Variants in ALK observed in about 807,000 individuals in gnomAD.
The protein encoded by ALK is ALK receptor tyrosine kinase.
Under a neutral mutation model 163.1 loss-of-function variants are expected in ALK, and 74 were observed. The ratio of observed to expected loss-of-function variants is 0.45; its 90% CI spans 0.38 to 0.55. ALK has a LOEUF of 0.55. ALK is among the 20% of genes least tolerant of loss of function. ALK has a pLI of 0.00. For missense variants in ALK, 2,063 were observed against 2,105.3 expected, an observed-to-expected ratio of 0.98 and a Z score of 0.39; for synonymous variants, 960 against 843.2, an observed-to-expected ratio of 1.14 and a Z score of -2.40.
At chr2:29,247,661 T>G (rs998685458) in intron 12 of ALK, among the ~76,000 whole-genome samples, 1 of 152,170 alleles carries the variant, frequency 6.6e-6, no homozygotes, top group Non-Finnish European at 1.5e-5. Context: ...TCCAACTGTG[T>G]ACATCCTGGA....
chr2:29,568,157 C>G (rs1053557134), intron 3 of ALK, among the ~76,000 whole-genome samples: 6 of 152,234 alleles, frequency 3.9e-5, no homozygotes, highest in Non-Finnish European at 5.9e-5. Flanking sequence ...AGGGCCCCCG[C>G]CCTCTTCAGA....
intron 3 of ALK, among the ~76,000 whole-genome samples, chr2:29,575,923 G>C (rs1674513610): frequency 6.6e-6 from 1 of 152,176 alleles, no homozygotes; most frequent in Non-Finnish European, 1.5e-5. Flanking sequence ...GGCATATTCT[G>C]AACACCAGAG....
At chr2:29,715,949 T>G (rs182020949) in intron 2 of ALK, among the ~76,000 whole-genome samples, 6 of 152,242 alleles carry the variant, frequency 3.9e-5, no homozygotes, top group Non-Finnish European at 7.3e-5. Context: ...AATTATAAAC[T>G]GCCCCAGGGT....
At chr2:29,879,088 C>A (rs988715107) in intron 1 of ALK, among the ~76,000 whole-genome samples, 2 of 152,112 alleles carry the variant, frequency 1.3e-5, no homozygotes, top group Non-Finnish European at 2.9e-5. Context: ...ATCCTTTGAA[C>A]TCAGTGAACC....
intron 3 of ALK, among the ~76,000 whole-genome samples, chr2:29,627,208 A>G (rs1460057084): frequency 6.6e-6 from 1 of 152,134 alleles, no homozygotes; most frequent in Admixed American, 6.5e-5. Context: ...TCTGTTTTGT[A>G]AAAGATTTCT....
chr2:29,671,173 T>TA (rs1293950406), intron 3 of ALK, among the ~76,000 whole-genome samples: 1 of 152,120 alleles, frequency 6.6e-6, no homozygotes, highest in Non-Finnish European at 1.5e-5. Context: ...TTTTTACCTA[T>TA]AGGTTGCTGC....
chr2:29,920,373 G>A lies in ALK; in HGVS notation c.287C>T (p.Ala96Val), dbSNP rs1245586050. 6.4e-7 allele frequency: 1 copy of A among 1,558,800 alleles called. No homozygotes were observed. The highest frequency in any genetic ancestry group is 8.7e-7 in the Non-Finnish European group (1 of 1,152,546). Residue 96 changes from alanine (A) to valine (V), a missense_variant, in exon 1 of 29, where the codon GCC becomes GTC. Physicochemically the swap from Ala to Val is moderately conservative, Grantham distance 64 (BLOSUM62 0). Around this residue, in one of 5 missense-constraint regions of ALK, gnomAD observed 987 missense variants for 939.5 expected, o/e 1.05. Transcript: ENST00000389048. ...CGGCCCCAGCAACCTGAGCAGCGGG[G>A]CGCAGTCCAGAGCTAGCGAGCCGCG... ...EARGSLALDC[A>V]PLLRLLGPAP...
chr2:29,492,824 A>T (rs1295059463), intron 4 of ALK, among the ~76,000 whole-genome samples: 2 of 152,236 alleles, frequency 1.3e-5, no homozygotes, highest in African/African-American at 4.8e-5. Context: ...TCAAAAAATC[A>T]ACTTCATAGT....
rs187810271 is a variant in ALK at position 29,199,220 on chromosome 2, C to T, written c.3939-1544G>A. Among the ~76,000 whole-genome samples the T allele has an allele frequency of 3.9e-3, 596 of 152,284 alleles. 9 individuals carry two copies. Among genetic ancestry groups the T allele is most frequent in the African/African-American group, 0.014 (571 of 41,556 alleles). On this transcript the variant is annotated intron_variant, in intron 26 of 28. Transcript: ENST00000389048. ...CCACCCACCTCGGCCTCCCAAAGTG[C>T]TGGGATTACAGATGTGAAACACCGC... is the stretch of plus-strand genomic sequence containing the variant.
At chr2:29,500,108 A>G (rs1378512634) in intron 4 of ALK, among the ~76,000 whole-genome samples, 1 of 152,008 alleles carries the variant, frequency 6.6e-6, no homozygotes, top group Non-Finnish European at 1.5e-5. Flanking sequence ...CCGATCCCAG[A>G]GTTCCTTGAT....
At chr2:29,447,893 G>A (rs1335345387) in intron 4 of ALK, among the ~76,000 whole-genome samples, 1 of 152,176 alleles carries the variant, frequency 6.6e-6, no homozygotes, top group Non-Finnish European at 1.5e-5. Flanking sequence ...TAATGGGGGT[G>A]GGGTGGGGAG....
chr2:29,829,653 G>A (rs918248827), intron 1 of ALK, among the ~76,000 whole-genome samples: 5 of 152,176 alleles, frequency 3.3e-5, no homozygotes, highest in Non-Finnish European at 7.3e-5. Context: ...TTCACCTAAG[G>A]GGGGTAAAAT....
chr2:29,588,344 T>TGAA (rs1331802826), intron 3 of ALK, among the ~76,000 whole-genome samples: 1 of 152,064 alleles, frequency 6.6e-6, no homozygotes, highest in Non-Finnish European at 1.5e-5. Context: ...GATTCTTGCG[T>TGAA]CTCAGCCTCC....
At chr2:29,835,242 A>T (rs143824657) in intron 1 of ALK, among the ~76,000 whole-genome samples, 1 of 152,282 alleles carries the variant, frequency 6.6e-6, no homozygotes, top group African/African-American at 2.4e-5. Context: ...GAGAATGTAA[A>T]CGTTTTGGGG....
intron 2 of ALK, among the ~76,000 whole-genome samples, chr2:29,697,166 C>A (rs576123140): frequency 6.6e-6 from 1 of 152,132 alleles, no homozygotes; most frequent in Non-Finnish European, 1.5e-5. Context: ...CAGGCCCTGT[C>A]CTTTCTGATT....
At chr2:29,438,689 T>C (rs1282399258) in intron 4 of ALK, among the ~76,000 whole-genome samples, 1 of 152,290 alleles carries the variant, frequency 6.6e-6, no homozygotes, top group Non-Finnish European at 1.5e-5. Context: ...CAGGAATATG[T>C]AGGTGGAGCT....
intron 9 of ALK, among the ~76,000 whole-genome samples, chr2:29,294,887 G>T (rs1666132607): frequency 6.6e-6 from 1 of 152,076 alleles, no homozygotes; most frequent in South Asian, 2.1e-4. Flanking sequence ...TTTCTTTGGG[G>T]CCAGTCACAT....
chr2:29,887,103 T>C (rs1003385031), intron 1 of ALK, among the ~76,000 whole-genome samples: 1 of 152,164 alleles, frequency 6.6e-6, no homozygotes, highest in African/African-American at 2.4e-5. Flanking sequence ...ATCCCCAAAA[T>C]TTAGTGGTTT....
chr2:29,628,142 T>C (rs959625349), intron 3 of ALK, among the ~76,000 whole-genome samples: 1 of 152,196 alleles, frequency 6.6e-6, no homozygotes, highest in Non-Finnish European at 1.5e-5. Context: ...GCTATAATCT[T>C]TTCCCTTTGA....
Sources: allele counts gnomAD v4.1 joint callset (sites outside exome capture counted in the v4.1 genomes callset), GRCh38; gene constraint gnomAD v4.1.1; regional missense constraint gnomAD v4.1.1; transcripts MANE v1.5; gene names NCBI Gene and HGNC (gene_info 2026-07-23, HGNC 2026-07-21).